The following PCDHA8 variants were observed in gnomAD, a reference collection of about 807,000 sequenced individuals.
PCDHA8 encodes protocadherin alpha 8.
In PCDHA8, 53 loss-of-function variants were observed where a neutral mutation model predicts 61.8. The ratio of observed to expected loss-of-function variants is 0.86; its 90% CI spans 0.69 to 1.08. The LOEUF is 1.08. Ranked by LOEUF, PCDHA8 falls within the 50% of genes least tolerant of loss-of-function variation. The pLI, the probability that PCDHA8 is intolerant of heterozygous loss-of-function variation, is 0.00. For missense variants in PCDHA8, 1,293 were observed against 1,245.0 expected (o/e 1.04, Z -0.58); for synonymous variants, 618 against 556.6 (o/e 1.11, Z -1.55).
intron 1 of PCDHA8, chr5:140,877,450 A>G (rs1406485859): frequency 1.9e-6 from 3 of 1,613,636 alleles, no homozygotes; most frequent in Non-Finnish European, 2.5e-6. Flanking sequence ...GCCCGCGCTG[A>G]CGTCCACGGC....
chr5:140,969,587 T>G, intron 1 of PCDHA8: 1 of 850,882 alleles, frequency 1.2e-6, no homozygotes, highest in Non-Finnish European at 1.8e-6. Context: ...AGGATTAGTC[T>G]TAATATTTAA....
At chr5:140,927,265 C>T in intron 1 of PCDHA8, 1 of 1,614,168 alleles carries the variant, frequency 6.2e-7, no homozygotes. Context: ...ACCTCTCTTT[C>T]CTGCCGGCGA....
chr5:140,875,854 G>C, intron 1 of PCDHA8: 1 of 1,614,160 alleles, frequency 6.2e-7, no homozygotes. Context: ...GGACATTAAC[G>C]ACAACCCGCC....
At chr5:140,867,350 T>C (rs1357404505) in intron 1 of PCDHA8, 1 of 152,128 alleles carries the variant, frequency 6.6e-6, no homozygotes, top group African/African-American at 2.4e-5. Flanking sequence ...GCTACTATGA[T>C]TGATTATTTT....
Position 140,842,737 on chromosome 5 carries a change from C to T in PCDHA8, c.1416C>T (p.Cys472=). Residue 472 remains cysteine, a synonymous_variant, in exon 1 of 4, where the codon TGC becomes TGT. Coordinates refer to ENST00000531613, the MANE Select transcript of PCDHA8 (RefSeq NM_018911.3). Reference sequence around the variant, plus strand: ...TGAAGGAGAACAACCCGCCGGGCTGCCACATCTTCACGGTGTCTGCGCGAG... The same window carrying T: ...TGAAGGAGAACAACCCGCCGGGCTGTCACATCTTCACGGTGTCTGCGCGAG... ...VFVKENNPPG[C]HIFTVSARDA... The T allele has an allele frequency of 6.3e-7, 1 of 1,595,052 alleles. No individual in the cohort carries two copies. Among genetic ancestry groups the T allele is most frequent in the Non-Finnish European group, 8.6e-7 (1 of 1,165,456 alleles).
chr5:140,849,613 G>C (rs2040993200), intron 1 of PCDHA8: 2 of 1,598,764 alleles, frequency 1.3e-6, no homozygotes, highest in Non-Finnish European at 1.7e-6. Context: ...GCCCTGATTA[G>C]TGTGATCGAC....
chr5:140,842,664 T>A lies in PCDHA8; in HGVS notation c.1343T>A (p.Val448Glu). 1.9e-6 allele frequency: 3 copies of A among 1,595,188 alleles called. No homozygotes were observed. In the South Asian group the frequency reaches 3.3e-5, roughly 18 times the overall value. The change falls in exon 1 of 4, where the codon GTG becomes GAG. Residue 448 changes from valine to glutamate, a missense_variant. Physicochemically the swap from Val to Glu is moderately radical, Grantham distance 121. Transcript: ENST00000531613. The stretch of plus-strand genomic sequence containing the variant: ...AGCTTGTCTGTGGAGGTGGCCGACG[T>A]GAACGACAATGCTCCGGCGTTCGCG... Reference protein sequence around the residue: ...TASLSVEVADVNDNAPAFAQP... With the variant: ...TASLSVEVADENDNAPAFAQP...
intron 1 of PCDHA8, among the ~76,000 whole-genome samples, chr5:140,926,128 C>CGCAGCAGGATCCAGCGCGGAAAGCTCT (rs1157627097): frequency 6.6e-6 from 1 of 152,162 alleles, no homozygotes; most frequent in Non-Finnish European, 1.5e-5. Context: ...GACTTCAACC[C>CGCAGCAGGATCCAGCGCGGAAAGCTCT]GCAGCAGGAT....
chr5:141,009,545 A>G, intron 3 of PCDHA8, 82 bp from the exon 4 acceptor site: 2 of 1,535,938 alleles, frequency 1.3e-6, no homozygotes, highest in Non-Finnish European at 1.8e-6. Flanking sequence ...CTGCCTATGC[A>G]GTACTCCTGT....
chr5:140,848,667 G>A lies in PCDHA8; in HGVS notation c.2394+4952G>A, dbSNP rs1173870910. On this transcript the variant is annotated intron_variant, in intron 1 of 3. Coordinates refer to ENST00000531613, the MANE Select transcript of PCDHA8 (RefSeq NM_018911.3). ...GCAGGACCTGGGGCTGGAGCTGGCG[G>A]AGCTGGTGCCGCGCCTGTTCCAGTT... The A allele has an allele frequency of 1.0e-5, 16 of 1,592,228 alleles. No individual in the cohort carries two copies. Among genetic ancestry groups the A allele is most frequent in the Non-Finnish European group, 1.3e-5 (15 of 1,163,428 alleles).
In PCDHA8 at chr5:140,856,431, A is replaced by G. The variant is rs782173275; in HGVS notation, c.2394+12716A>G. 21 of 1,597,862 alleles carry G rather than the reference A, an allele frequency of 1.3e-5. 4 individuals are homozygous for G. In the South Asian group the frequency reaches 2.2e-4, roughly 17 times the overall value. On this transcript the variant is annotated intron_variant, in intron 1 of 3. Transcript: ENST00000531613. ...GTGGAAGTGAAGGACATTAACGACA[A>G]CCCGCCCAGGTTCTCCGTAACAGAA...
intron 1 of PCDHA8, among the ~76,000 whole-genome samples, chr5:140,937,096 G>T (rs1173485186): frequency 4.1e-5 from 6 of 146,810 alleles, no homozygotes; most frequent in African/African-American, 1.5e-4. Context: ...GGAGTGCAGT[G>T]GCGCAGTCTC....
chr5:140,984,386 A>G (rs2097099955), intron 3 of PCDHA8, among the ~76,000 whole-genome samples: 1 of 152,202 alleles, frequency 6.6e-6, no homozygotes, highest in South Asian at 2.1e-4. Flanking sequence ...TTCAGATTCA[A>G]AAAATGTTGA....
At chr5:140,977,831 T>C (rs987042342) in intron 1 of PCDHA8, among the ~76,000 whole-genome samples, 3 of 152,240 alleles carry the variant, frequency 2.0e-5, no homozygotes, top group Admixed American at 1.3e-4. Flanking sequence ...AATGGTCTAT[T>C]GATATTACTA....
intron 1 of PCDHA8, chr5:140,928,209 T>C: frequency 6.2e-7 from 1 of 1,614,222 alleles, no homozygotes; most frequent in South Asian, 1.1e-5. Flanking sequence ...CTGATGTGAA[T>C]GACAATACAC....
intron 1 of PCDHA8, among the ~76,000 whole-genome samples, chr5:140,844,624 A>G (rs1293220990): frequency 6.7e-6 from 1 of 149,582 alleles, no homozygotes; most frequent in Non-Finnish European, 1.5e-5. Context: ...TTTCATCAGA[A>G]AAACTATACA....
chr5:140,965,353 A>C (rs1255008521), intron 1 of PCDHA8, among the ~76,000 whole-genome samples: 1 of 152,172 alleles, frequency 6.6e-6, no homozygotes, highest in Non-Finnish European at 1.5e-5. Flanking sequence ...TTGCCTCTAT[A>C]GCAGTACAAG....
intron 3 of PCDHA8, among the ~76,000 whole-genome samples, chr5:141,004,852 GA>G (rs1474938614): frequency 6.6e-6 from 1 of 152,202 alleles, no homozygotes; most frequent in African/African-American, 2.4e-5. Flanking sequence ...TAGTCTCAGA[GA>G]AAAAATTTGT....
chr5:140,849,603 G>A lies in PCDHA8; in HGVS notation c.2394+5888G>A, dbSNP rs2150442213. On this transcript the variant is annotated intron_variant, in intron 1 of 3. Transcript: ENST00000531613. ...GGACGCACAACTGGGGACAGTTATT[G>A]CCCTGATTAGTGTGATCGACCTAGA... The A allele has an allele frequency of 3.8e-5, 60 of 1,598,580 alleles. 9 individuals are homozygous for A. Among genetic ancestry groups the A allele is most frequent in the Non-Finnish European group, 5.1e-5 (59 of 1,167,940 alleles).
Sources: allele counts gnomAD v4.1 joint callset (sites outside exome capture counted in the v4.1 genomes callset), GRCh38; gene constraint gnomAD v4.1.1; transcripts MANE v1.5; gene names NCBI Gene and HGNC (gene_info 2026-07-23, HGNC 2026-07-21).